OSTN: variants seen among roughly 807,000 people sequenced by gnomAD.
OSTN encodes osteocrin.
A neutral mutation model predicts 12.0 loss-of-function variants in OSTN; 9 were observed. The observed-to-expected ratio is 0.75, with a 90% CI of 0.45 to 1.30. The LOEUF (loss-of-function observed/expected upper bound fraction) is 1.30, where lower values mean the gene tolerates loss of function less well. OSTN is among the 50% of genes most tolerant of loss of function. OSTN has a pLI of 0.00. For synonymous variants in OSTN, 59 were observed against 56.9 expected (o/e 1.04, Z -0.16); for missense variants, 148 against 152.3 (o/e 0.97, Z 0.15).
At chr3:191,225,443 T>A (rs1714884909) in intron 3 of OSTN, among the ~76,000 whole-genome samples, 1 of 152,166 alleles carries the variant, frequency 6.6e-6, no homozygotes, top group Non-Finnish European at 1.5e-5. Context: ...AATATTTTTT[T>A]AAAGGAAATT....
At chr3:191,239,183 T>C (rs1576934584) in intron 3 of OSTN, among the ~76,000 whole-genome samples, 1 of 152,240 alleles carries the variant, frequency 6.6e-6, no homozygotes. Context: ...CAGAAATTTA[T>C]TGCAAATGAA....
intron 4 of OSTN, among the ~76,000 whole-genome samples, chr3:191,259,118 T>C (rs1303475966): frequency 6.6e-6 from 1 of 152,112 alleles, no homozygotes; most frequent in Non-Finnish European, 1.5e-5. Context: ...AGAAGTCTTT[T>C]CTAGACCTTT....
At chr3:191,235,274 C>T (rs1715161860) in intron 3 of OSTN, among the ~76,000 whole-genome samples, 1 of 152,112 alleles carries the variant, frequency 6.6e-6, no homozygotes, top group Admixed American at 6.5e-5. Flanking sequence ...TTCAAATAAC[C>T]ATTCTTATAT....
At chr3:191,257,185 CA>C (rs71175391) in intron 4 of OSTN, among the ~76,000 whole-genome samples, 18,336 of 72,124 alleles carry the variant, frequency 0.25, 1,253 homozygotes, top group Middle Eastern at 0.41. Flanking sequence ...AACCCTCTCT[CA>C]AAAAAAAAAA....
rs550034958 is a variant in OSTN, at chr3:191,236,528, T to G, written c.318-13509T>G. ...CGTCCATTTTAGGTATAATGCTTGT[T>G]TATATATAAGATAATAACGCAAAAA... On this transcript the variant is annotated intron_variant, in intron 3 of 4. Transcript: ENST00000682035. Among the ~76,000 whole-genome samples the G allele has an allele frequency of 7.9e-5, 12 of 152,064 alleles. No homozygotes were observed. The East Asian group carries it at 2.3e-3, about 29-fold the overall frequency.
chr3:191,236,377 T>G (rs1715189408), intron 3 of OSTN, among the ~76,000 whole-genome samples: 1 of 152,060 alleles, frequency 6.6e-6, no homozygotes, highest in African/African-American at 2.4e-5. Flanking sequence ...GGTTCTTGGA[T>G]GTCACACAAG....
chr3:191,226,100 A>T (rs1232081475), intron 3 of OSTN, among the ~76,000 whole-genome samples: 1 of 152,178 alleles, frequency 6.6e-6, no homozygotes, highest in Non-Finnish European at 1.5e-5. Context: ...GAAGCATTAG[A>T]CTTATCTCAT....
Position 191,246,600 on chromosome 3 carries a change from G to GTA in OSTN, c.318-3435_318-3434dup, listed in dbSNP as rs562742425. ...AGCCTGGGTGACAGAGCTAGACCCT[G>GTA]TATCAAAAAAAAAAAAAGAAAGAAA... On this transcript the variant is annotated intron_variant, in intron 3 of 4. Coordinates refer to ENST00000682035, the MANE Select transcript of OSTN (RefSeq NM_198184.2). Among the ~76,000 whole-genome samples, 180 of 110,284 alleles carry GTA rather than the reference G, an allele frequency of 1.6e-3. 1 individual carries two copies. The highest frequency in any genetic ancestry group is 4.8e-3 in the African/African-American group (161 of 33,442). 72.4% of individuals were successfully genotyped at this position (110,284 alleles called of 152,430 possible).
At chr3:191,220,206 G>T (rs1175985837) in intron 3 of OSTN, among the ~76,000 whole-genome samples, 1 of 151,968 alleles carries the variant, frequency 6.6e-6, no homozygotes, top group Non-Finnish European at 1.5e-5. Flanking sequence ...GATACTTGTC[G>T]CAATTTGCTA....
At position 191,263,687 on chromosome 3, in the gene OSTN, C is replaced by T. The variant is rs765552001; in HGVS notation, c.*834C>T. On this transcript the variant is annotated 3_prime_UTR_variant, in exon 5 of 5. Coordinates refer to ENST00000682035, the MANE Select transcript of OSTN (RefSeq NM_198184.2). ...TAGTACAATGTGATCTTTTTGATAT[C>T]TTGGATTAATCTAAGAAACTGTTTA... 1.6e-4 allele frequency: 24 copies of T among 152,108 alleles called. No homozygotes were observed. The highest frequency in any genetic ancestry group is 2.8e-4 in the Non-Finnish European group (19 of 68,002). The allele number at this position is 152,108 out of a possible 1,614,324, so 9.4% of individuals were successfully genotyped here. A position where few individuals can be genotyped will look rare whatever the true frequency, so the allele number is the denominator to read the frequency against.
chr3:191,202,285 T>C (rs1465287962), intron 1 of OSTN, among the ~76,000 whole-genome samples: 1 of 152,224 alleles, frequency 6.6e-6, no homozygotes, highest in Non-Finnish European at 1.5e-5. Context: ...AGTTTATGTA[T>C]GACAATTCTA....
At chr3:191,262,133 G>A (rs551714530) in intron 4 of OSTN, among the ~76,000 whole-genome samples, 4 of 152,248 alleles carry the variant, frequency 2.6e-5, no homozygotes, top group South Asian at 2.1e-4. Context: ...CAGGAGAATC[G>A]CTTGAACCCG....
At chr3:191,208,102 A>G in intron 1 of OSTN, among the ~76,000 whole-genome samples, 1 of 152,210 alleles carries the variant, frequency 6.6e-6, no homozygotes, top group East Asian at 1.9e-4. Flanking sequence ...CACACTATCC[A>G]GAGAAATATT....
At chr3:191,208,944 G>T (rs888844153) in intron 1 of OSTN, among the ~76,000 whole-genome samples, 81 of 152,304 alleles carry the variant, frequency 5.3e-4, no homozygotes, top group African/African-American at 1.9e-3. Context: ...GATCACCTGA[G>T]GTCAGGAGTT....
At chr3:191,257,296 T>G (rs1215113474) in intron 4 of OSTN, among the ~76,000 whole-genome samples, 1 of 152,078 alleles carries the variant, frequency 6.6e-6, no homozygotes, top group Non-Finnish European at 1.5e-5. Context: ...TGCATATTTT[T>G]TCTCTTATAT....
rs1029881465 is a variant in OSTN, at chr3:191,254,788, T to C, written c.*12+4655T>C. On this transcript the variant is annotated intron_variant, in intron 4 of 4. Transcript: ENST00000682035. ...TGCATGAAGTACAGCAAAAATGTGA[T>C]TGGCCATACAAGGTCTTTTTAAATT... Among the ~76,000 whole-genome samples the C allele has an allele frequency of 1.2e-3, 181 of 152,344 alleles. 1 individual carries two copies. The highest frequency in any genetic ancestry group is 4.1e-3 in the African/African-American group (172 of 41,574).
At chr3:191,229,390 T>G (rs1214869623) in intron 3 of OSTN, among the ~76,000 whole-genome samples, 3 of 152,152 alleles carry the variant, frequency 2.0e-5, no homozygotes, top group African/African-American at 7.2e-5. Context: ...GGTACAGACC[T>G]TAAAAATGAG....
chr3:191,211,676 C>A (rs921939089), intron 1 of OSTN, among the ~76,000 whole-genome samples: 1 of 152,084 alleles, frequency 6.6e-6, no homozygotes, highest in African/African-American at 2.4e-5. Context: ...AACTTTTTGC[C>A]AATCTAATGT....
intron 4 of OSTN, among the ~76,000 whole-genome samples, chr3:191,259,613 A>G (rs6805405): frequency 0.34 from 50,878 of 151,508 alleles, 9,361 homozygotes; most frequent in Middle Eastern, 0.44. Context: ...ACCACCTCCA[A>G]AAAGTCAAAA....
Sources: gnomAD v4.1 joint callset for allele counts (sites outside exome capture counted in the v4.1 genomes callset) on GRCh38, gnomAD v4.1.1 for gene constraint, MANE v1.5 for transcripts, NCBI Gene and HGNC (gene_info 2026-07-23, HGNC 2026-07-21) for gene names.